PIEZO1: variants seen among roughly 807,000 people sequenced by gnomAD.
PIEZO1 encodes piezo type mechanosensitive ion channel component 1 (Er blood group), also known as piezo-type mechanosensitive ion channel component 1.
In PIEZO1, 296 loss-of-function variants were observed where a neutral mutation model predicts 297.2. The observed-to-expected ratio is 1.00, with a 90% CI of 0.91 to 1.10. The LOEUF (loss-of-function observed/expected upper bound fraction) is 1.10, where lower values mean the gene tolerates loss of function less well. Among genes scored for constraint, PIEZO1 ranks in the 50% least tolerant of loss-of-function variants. The pLI is 0.00. For synonymous variants in PIEZO1, 2,427 were observed against 1,507.5 expected (o/e 1.61, Z -14.13); for missense variants, 5,018 against 3,455.5 (o/e 1.45, Z -11.34).
intron 5 of PIEZO1, chr16:88,738,998 C>A: frequency 1.8e-6 from 1 of 552,666 alleles, no homozygotes. Flanking sequence ...CAGGGTCTGT[C>A]CTGCCAAGCC....
chr16:88,778,096 G>C (rs1907750874), intron 1 of PIEZO1, among the ~76,000 whole-genome samples: 1 of 152,206 alleles, frequency 6.6e-6, no homozygotes, highest in Admixed American at 6.5e-5. Flanking sequence ...ACACACGGGA[G>C]GGAGGGCGGA....
chr16:88,719,419 G>T, intron 44 of PIEZO1, 155 bp downstream of exon 44: 1 of 658,236 alleles, frequency 1.5e-6, no homozygotes, highest in Non-Finnish European at 2.6e-6. Context: ...CTGGCCTCGT[G>T]ATCAGCTAGT....
intron 1 of PIEZO1, among the ~76,000 whole-genome samples, chr16:88,768,641 G>C (rs969553218): frequency 6.6e-6 from 1 of 152,240 alleles, no homozygotes; most frequent in Non-Finnish European, 1.5e-5. Flanking sequence ...CACAGGGCAA[G>C]AGCGCTTCCC....
At position 88,736,457 on chromosome 16, in the gene PIEZO1, C is replaced by T. The variant is rs546574524; in HGVS notation, c.1297-49G>A. The T allele has an allele frequency of 6.4e-4, 910 of 1,428,988 alleles. 6 individuals are homozygous for T. In the African/African-American group the frequency reaches 0.011, roughly 17 times the overall value. 88.5% of individuals were successfully genotyped at this position (1,428,988 alleles called of 1,614,324 possible). ...AGCTGCCCAGCGCACCCCACCCAGG[C>T]GATGCCCCACACCTGCGCGGCAGAG... On this transcript the variant is annotated intron_variant, in intron 11 of 50. Transcript: ENST00000301015.
chr16:88,727,135 C>A lies in PIEZO1; in HGVS notation c.3359G>T (p.Arg1120Leu), dbSNP rs1019006273. Reference protein sequence around the residue: ...SQQWQVFSAERTEEWQRMAGV... With the variant: ...SQQWQVFSAELTEEWQRMAGV... ...AGCCATGCGCTGCCACTCCTCTGTG[C>A]GCTCAGCTGAGAACACCTGCCACTG... Residue 1120 changes from arginine (R) to leucine (L), a missense_variant, in exon 24 of 51, where the codon CGC becomes CTC. By Grantham distance (102) the Arg-to-Leu change is moderately radical. Coordinates refer to ENST00000301015, the MANE Select transcript of PIEZO1 (RefSeq NM_001142864.4). 2 of 1,549,756 alleles carry A rather than the reference C, an allele frequency of 1.3e-6. No individual in the cohort carries two copies. Among genetic ancestry groups the A allele is most frequent in the Non-Finnish European group, 1.7e-6 (2 of 1,146,672 alleles).
rs577962244 is a variant in PIEZO1 at position 88,742,045 on chromosome 16, G to A, written c.326+8C>T. 2.9e-5 allele frequency: 45 copies of A among 1,536,006 alleles called. No individual in the cohort carries two copies. The African/African-American group carries it at 3.7e-4, about 13-fold the overall frequency. ...CTTGCTGGTTGGGGGTGGGAGGAAT[G>A]GTCTTACCTTGTGACCCCTATGTGT... On this transcript the variant is annotated splice_region_variant and intron_variant, in intron 4 of 50. Transcript: ENST00000301015.
chr16:88,727,072 T>C lies in PIEZO1; in HGVS notation c.3422A>G (p.Glu1141Gly), dbSNP rs1597450759. 2 of 1,548,920 alleles carry C rather than the reference T, an allele frequency of 1.3e-6. No individual in the cohort carries two copies. The highest frequency in any genetic ancestry group is 1.7e-6 in the Non-Finnish European group (2 of 1,146,052). Residue 1141 changes from glutamate (E) to glycine (G), a missense_variant, in exon 24 of 51, where the codon GAG (glutamate) becomes GGG (glycine). Glu to Gly is a moderately conservative substitution (Grantham distance 98). Coordinates refer to ENST00000301015, the MANE Select transcript of PIEZO1 (RefSeq NM_001142864.4). ...NTDRLEPLRG[E>G]PNPVPNFIHC... ...GATAAAGTTGGGCACGGGGTTGGGCTCCCCCCGCAGCGGCTCCAGGCGGTC... is the reference window on the plus strand; with the variant it reads ...GATAAAGTTGGGCACGGGGTTGGGCCCCCCCCGCAGCGGCTCCAGGCGGTC...
chr16:88,727,771 A>G, intron 22 of PIEZO1, 110 bp from the exon 23 acceptor site: 1 of 513,296 alleles, frequency 1.9e-6, no homozygotes, highest in Non-Finnish European at 3.5e-6. Flanking sequence ...GTCCATGGGA[A>G]TCACCTCGCG....
In PIEZO1 at chr16:88,733,373, G is replaced by A. The variant is rs1026849766; in HGVS notation, c.2569C>T (p.Leu857=). Residue 857 remains leucine, a synonymous_variant, in exon 19 of 51, where the codon CTG becomes TTG. Transcript: ENST00000301015. The part of the protein sequence containing the change: ...YPRFRPMASC[L]STVWTCVIIV... ...ATGACGCAGGTCCACACGGTGGACA[G>A]GCAGGAGGCCATGGGCCGGAAGCGT... is the stretch of plus-strand genomic sequence containing the variant. 1.3e-6 allele frequency: 2 copies of A among 1,550,112 alleles called. No homozygotes were observed. The highest frequency in any genetic ancestry group is 1.7e-6 in the Non-Finnish European group (2 of 1,146,754).
chr16:88,746,762 C>CT (rs1435251506), intron 2 of PIEZO1, among the ~76,000 whole-genome samples: 3 of 152,258 alleles, frequency 2.0e-5, no homozygotes, highest in African/African-American at 7.2e-5. Context: ...ACCCCAGCTC[C>CT]TCCCCTGGCC....
At chr16:88,719,371 C>T (rs934287842) in intron 44 of PIEZO1, 6 of 587,416 alleles carry the variant, frequency 1.0e-5, no homozygotes, top group Admixed American at 6.0e-5. Flanking sequence ...CCGCTGCCCA[C>T]TTCTGCGCCC....
chr16:88,735,373 G>A (rs950721198), intron 12 of PIEZO1, 127 bp from the exon 13 acceptor site: 39 of 679,208 alleles, frequency 5.7e-5, no homozygotes, highest in East Asian at 8.2e-5. Flanking sequence ...CCCATCCACC[G>A]CAGCCTCCCC....
At chr16:88,728,072 C>G (rs1904582957) in intron 22 of PIEZO1, among the ~76,000 whole-genome samples, 1 of 152,280 alleles carries the variant, frequency 6.6e-6, no homozygotes, top group Non-Finnish European at 1.5e-5. Context: ...CGCTGCTCAG[C>G]ACGTGGGACC....
chr16:88,737,544 G>C lies in PIEZO1; in HGVS notation c.1195+15C>G, dbSNP rs926464020. The C allele has an allele frequency of 8.6e-6, 13 of 1,513,550 alleles. No homozygotes were observed. The African/African-American group carries it at 1.4e-4, about 16-fold the overall frequency. 93.8% of individuals were successfully genotyped at this position (1,513,550 alleles called of 1,614,324 possible). ...CCCCCGCACCCAGCCATACCTTGCA[G>C]TGTGCGGTACTCACCAGGCCGCCGC... On this transcript the variant is annotated intron_variant, in intron 10 of 50. Coordinates refer to ENST00000301015, the MANE Select transcript of PIEZO1 (RefSeq NM_001142864.4).
At position 88,727,302 on chromosome 16, in the gene PIEZO1, G is replaced by A. The variant is rs537429274; in HGVS notation, c.3302-110C>T. 1,373 of 1,247,234 alleles carry A rather than the reference G, an allele frequency of 1.1e-3. 13 individuals carry two copies. Among genetic ancestry groups the A allele is most frequent in the South Asian group, 7.4e-3 (480 of 64,608 alleles). 77.3% of individuals were successfully genotyped at this position (1,247,234 alleles called of 1,614,324 possible). On this transcript the variant is annotated intron_variant, in intron 23 of 50. Coordinates refer to ENST00000301015, the MANE Select transcript of PIEZO1 (RefSeq NM_001142864.4). ...GCCTGTCGGCGTGCAGCCGCTGGGAGCGGACACACGTCTGCCTGGGTGAGT... is the reference window on the plus strand; with the variant it reads ...GCCTGTCGGCGTGCAGCCGCTGGGAACGGACACACGTCTGCCTGGGTGAGT...
At chr16:88,734,104 A>G (rs1177947852) in intron 16 of PIEZO1, 50 bp from the exon 17 acceptor site, 1 of 1,467,212 alleles carries the variant, frequency 6.8e-7, no homozygotes, top group African/African-American at 1.4e-5. Context: ...CCTGCCCCTC[A>G]TTTCCTGGGG....
Position 88,736,221 on chromosome 16 carries a change from G to T in PIEZO1, c.1484C>A (p.Thr495Asn), listed in dbSNP as rs549082352. ...AMDLRPELPT[T>N]LGPVSLRQLG... Reference sequence around the variant, plus strand: ...CTGGCGCAGGCTGACGGGGCCCAGGGTGGTGGGCAGCTCAGGGCGCAGGTC... The same window carrying T: ...CTGGCGCAGGCTGACGGGGCCCAGGTTGGTGGGCAGCTCAGGGCGCAGGTC... The change falls in exon 12 of 51, where the codon ACC becomes AAC. Residue 495 changes from threonine to asparagine, a missense_variant. Physicochemically the swap from Thr to Asn is moderately conservative, Grantham distance 65 (BLOSUM62 0). Coordinates refer to ENST00000301015, the MANE Select transcript of PIEZO1 (RefSeq NM_001142864.4). 3 of 1,549,806 alleles carry T rather than the reference G, an allele frequency of 1.9e-6. No individual in the cohort carries two copies. In the East Asian group the frequency reaches 7.3e-5, roughly 38 times the overall value.
In PIEZO1 at chr16:88,726,919, G is replaced by A. The variant is rs1343194824; in HGVS notation, c.3495C>T (p.Tyr1165=). 3.2e-6 allele frequency: 5 copies of A among 1,550,456 alleles called. No individual in the cohort carries two copies. Among genetic ancestry groups the A allele is most frequent in the African/African-American group, 1.4e-5 (1 of 73,158 alleles). Residue 1165 remains tyrosine, a synonymous_variant, in exon 25 of 51, where the codon TAC becomes TAT. Transcript: ENST00000301015. The part of the protein sequence containing the change: ...LDMLKVAVFR[Y]LFWLVLVVVF... The stretch of plus-strand genomic sequence containing the variant: ...CCACCACCAGCACCAGCCAGAACAG[G>A]TATCGGAAGACGGCCACCTTCAGCA...
intron 1 of PIEZO1, among the ~76,000 whole-genome samples, chr16:88,777,532 C>A (rs970948674): frequency 2.6e-5 from 4 of 152,238 alleles, no homozygotes; most frequent in Non-Finnish European, 5.9e-5. Flanking sequence ...CTCATTGTCA[C>A]TGGCCCGCAG....
Sources: gnomAD v4.1 joint callset for allele counts (sites outside exome capture counted in the v4.1 genomes callset) on GRCh38, gnomAD v4.1.1 for gene constraint, MANE v1.5 for transcripts, NCBI Gene and HGNC (gene_info 2026-07-23, HGNC 2026-07-21) for gene names.